Variants in ASPRV1 observed in about 807,000 individuals in gnomAD.
ASPRV1 encodes the protein retroviral-like aspartic protease 1.
Under a neutral mutation model 11.0 loss-of-function variants are expected in ASPRV1, and 7 were observed. That is an observed-to-expected ratio of 0.64 (90% confidence interval 0.36 to 1.20). The LOEUF is 1.20. Ranked by LOEUF, ASPRV1 falls within the 50% of genes most tolerant of loss-of-function variation. ASPRV1 has a pLI of 0.02. For synonymous variants in ASPRV1, 136 were observed against 138.4 expected (o/e 0.98, Z 0.12); for missense variants, 299 against 320.0 (o/e 0.93, Z 0.50).
chr2:70,085,573 C>A, the ASPRV1 span: 1 of 152,170 alleles, frequency 6.6e-6, no homozygotes, highest in Non-Finnish European at 1.5e-5. Flanking sequence ...AGGTCCATCC[C>A]CGACATTGTG....
chr2:70,023,559 G>A, the ASPRV1 span, among the ~76,000 whole-genome samples: 121 of 152,018 alleles, frequency 8.0e-4, no homozygotes, highest in African/African-American at 2.7e-3. Context: ...TGTAATCCCA[G>A]CTACTTGGGA....
the ASPRV1 span, among the ~76,000 whole-genome samples, chr2:69,998,962 C>G: frequency 1.3e-5 from 2 of 152,214 alleles, no homozygotes; most frequent in East Asian, 3.8e-4. Context: ...AGCAGCGACA[C>G]AGGGACTCTG....
the ASPRV1 span, chr2:69,942,270 C>T: frequency 6.6e-6 from 1 of 152,328 alleles, no homozygotes; most frequent in South Asian, 2.1e-4. Context: ...GTTTCTCATT[C>T]TACATCCTCT....
the ASPRV1 span, among the ~76,000 whole-genome samples, chr2:69,943,153 C>G: frequency 3.0e-4 from 45 of 152,326 alleles, no homozygotes; most frequent in African/African-American, 1.1e-3. Flanking sequence ...CAGTCCCACC[C>G]TCTCCACTGC....
the ASPRV1 span, among the ~76,000 whole-genome samples, chr2:69,985,915 C>T: frequency 1.3e-5 from 2 of 152,324 alleles, no homozygotes; most frequent in East Asian, 3.9e-4. Flanking sequence ...TCTGCTCACC[C>T]GTCTCGGCAT....
At chr2:70,056,327 CG>C in the ASPRV1 span, 1 of 152,028 alleles carries the variant, frequency 6.6e-6, no homozygotes, top group Non-Finnish European at 1.5e-5. Flanking sequence ...TGGTTAAGGC[CG>C]GGCGCGGTGG....
the ASPRV1 span, among the ~76,000 whole-genome samples, chr2:69,990,194 A>AT: frequency 6.6e-6 from 1 of 151,770 alleles, no homozygotes; most frequent in African/African-American, 2.4e-5. Context: ...ATTTTATTTT[A>AT]TTTTTTTGAA....
chr2:70,019,240 T>C, the ASPRV1 span: 10 of 152,138 alleles, frequency 6.6e-5, no homozygotes, highest in African/African-American at 9.7e-5. Context: ...AGAATGGCTA[T>C]TGCAAAAAAG....
the ASPRV1 span, among the ~76,000 whole-genome samples, chr2:70,022,609 G>C: frequency 6.6e-6 from 1 of 152,038 alleles, no homozygotes; most frequent in South Asian, 2.1e-4. Flanking sequence ...AGCATCATTT[G>C]AGCCTAGGAG....
the ASPRV1 span, among the ~76,000 whole-genome samples, chr2:70,082,036 G>C: frequency 8.9e-4 from 136 of 151,998 alleles, no homozygotes; most frequent in African/African-American, 3.2e-3. Flanking sequence ...GGAGTACAGT[G>C]GCACCATCTC....
At chr2:70,038,890 C>A in the ASPRV1 span, among the ~76,000 whole-genome samples, 1 of 152,044 alleles carries the variant, frequency 6.6e-6, no homozygotes, top group Non-Finnish European at 1.5e-5. Context: ...ACCAGCCTGA[C>A]CAACATGGAG....
At chr2:70,016,942 A>G in the ASPRV1 span, among the ~76,000 whole-genome samples, 1 of 152,194 alleles carries the variant, frequency 6.6e-6, no homozygotes, top group South Asian at 2.1e-4. Flanking sequence ...ATACAAATCA[A>G]TAAATATGAT....
the ASPRV1 span, among the ~76,000 whole-genome samples, chr2:70,053,367 G>A: frequency 5.3e-5 from 8 of 152,060 alleles, no homozygotes; most frequent in Non-Finnish European, 1.2e-4. Context: ...CCTGGGGTGG[G>A]GGGTATAGGC....
chr2:70,074,213 G>A, the ASPRV1 span, among the ~76,000 whole-genome samples: 1 of 146,374 alleles, frequency 6.8e-6, no homozygotes, highest in Non-Finnish European at 1.5e-5. Context: ...CAGGTGTTAA[G>A]CAGGTGTTAC....
chr2:69,972,221 C>T, the ASPRV1 span, among the ~76,000 whole-genome samples: 1 of 151,852 alleles, frequency 6.6e-6, no homozygotes, highest in Non-Finnish European at 1.5e-5. Context: ...ACCACCACGC[C>T]TGGCTAATTT....
At chr2:70,060,581 G>A in the ASPRV1 span, among the ~76,000 whole-genome samples, 1 of 152,062 alleles carries the variant, frequency 6.6e-6, no homozygotes, top group Non-Finnish European at 1.5e-5. Flanking sequence ...GGGAGGCCGA[G>A]GCAGCTGGAT....
the ASPRV1 span, among the ~76,000 whole-genome samples, chr2:70,029,500 G>A: frequency 6.6e-6 from 1 of 152,048 alleles, no homozygotes; most frequent in Non-Finnish European, 1.5e-5. Context: ...TGAGCCAGGC[G>A]TGGTGGTGCG....
the ASPRV1 span, chr2:70,056,307 G>C: frequency 2.0e-5 from 3 of 152,100 alleles, no homozygotes; most frequent in Non-Finnish European, 4.4e-5. Context: ...AAAATGTAAA[G>C]ACTTAAAAGT....
the ASPRV1 span, among the ~76,000 whole-genome samples, chr2:69,980,371 A>G: frequency 0.55 from 83,900 of 152,164 alleles, 26,412 homozygotes; most frequent in African/African-American, 0.86. Context: ...TATTATTGCT[A>G]TTTCTCTTTT....
Sources: gnomAD v4.1 joint callset for allele counts (sites outside exome capture counted in the v4.1 genomes callset) on GRCh38, gnomAD v4.1.1 for gene constraint, MANE v1.5 for transcripts, NCBI Gene and HGNC (gene_info 2026-07-23, HGNC 2026-07-21) for gene names.